HERC1: variants seen among roughly 807,000 people sequenced by gnomAD.
HERC1 encodes probable E3 ubiquitin-protein ligase HERC1.
HERC1 carries 160 observed loss-of-function variants against 554.3 expected under a neutral mutation model. The ratio of observed to expected loss-of-function variants is 0.29; its 90% confidence interval spans 0.25 to 0.33. The LOEUF is 0.33. HERC1 is among the 10% of genes least tolerant of loss of function. The pLI is 1.00. For missense variants in HERC1, 4,919 were observed against 5,918.5 expected (o/e 0.83, Z 5.54); for synonymous variants, 2,175 against 2,131.7 (o/e 1.02, Z -0.56).
Position 63,628,747 on chromosome 15 carries a change from A to T in HERC1, c.13035T>A (p.Val4345=). The change falls in exon 70 of 78, where the codon GTT becomes GTA. Residue 4345 remains valine, a synonymous_variant. Coordinates refer to ENST00000443617, the MANE Select transcript of HERC1 (RefSeq NM_003922.4). The part of the protein sequence containing the change: ...TLVTGLQGKN[V]RQISAGRCHS... ...GGCAGCGGCCAGCCGAGATCTGCCG[A>T]ACATTTTTCCCTTGCAGACCTGTTA... The T allele has an allele frequency of 1.2e-5, 20 of 1,614,046 alleles. No individual in the cohort carries two copies. The highest frequency in any genetic ancestry group is 1.7e-5 in the Non-Finnish European group (20 of 1,179,900).
chr15:63,665,935 C>T lies in HERC1; in HGVS notation c.8539G>A (p.Glu2847Lys). The T allele has an allele frequency of 6.2e-7, 1 of 1,612,652 alleles. No homozygotes were observed. The highest frequency in any genetic ancestry group is 8.5e-7 in the Non-Finnish European group (1 of 1,178,958). Residue 2847 changes from glutamate to lysine, a missense_variant, in exon 42 of 78, where the codon GAA (glutamate) becomes AAA (lysine). Physicochemically the swap from Glu to Lys is moderately conservative, Grantham distance 56. This residue lies in a region of HERC1 where 1,963 missense variants were observed against 2,228.6 expected (regional missense o/e 0.88). Transcript: ENST00000443617. ...GAATTTCACCTTTCACTAAAACCTTCCTCCATTTCAGCAGCATCAGCTGAT... is the reference window on the plus strand; with the variant it reads ...GAATTTCACCTTTCACTAAAACCTTTCTCCATTTCAGCAGCATCAGCTGAT... The part of the protein sequence containing the change: ...IPSADAAEME[E>K]GFSESPDNLD...
At chr15:63,714,729 A>T (rs566040538) in intron 22 of HERC1, among the ~76,000 whole-genome samples, 8 of 151,492 alleles carry the variant, frequency 5.3e-5, no homozygotes, top group Non-Finnish European at 1.2e-4. Context: ...TTGTATCTTT[A>T]GTAGAGATGG....
At chr15:63,665,197 T>C (rs1566988299) in intron 42 of HERC1, among the ~76,000 whole-genome samples, 2 of 152,160 alleles carry the variant, frequency 1.3e-5, no homozygotes, top group Non-Finnish European at 2.9e-5. Context: ...TTAAAAACTA[T>C]AGAAGAGATG....
chr15:63,783,519 G>A (rs1051864462), intron 1 of HERC1, among the ~76,000 whole-genome samples: 1 of 151,430 alleles, frequency 6.6e-6, no homozygotes. Context: ...TATATACACT[G>A]AGAAACCAAA....
intron 1 of HERC1, among the ~76,000 whole-genome samples, chr15:63,813,311 GAC>G (rs10534978): frequency 0.65 from 90,305 of 139,354 alleles, 29,382 homozygotes; most frequent in East Asian, 0.81. Context: ...ATCAGAGATG[GAC>G]ACACACACAC....
chr15:63,818,654 A>G (rs2077578644), intron 1 of HERC1, among the ~76,000 whole-genome samples: 2 of 152,218 alleles, frequency 1.3e-5, no homozygotes, highest in Admixed American at 6.5e-5. Flanking sequence ...AGAGTTTTGA[A>G]AAATCCTTCT....
chr15:63,678,261 C>G lies in HERC1; in HGVS notation c.6654G>C (p.Gln2218His), dbSNP rs1412443374. The change falls in exon 37 of 78, where the codon CAG becomes CAC. Residue 2218 changes from glutamine (Q) to histidine (H), a missense_variant. By Grantham distance (24) the Gln-to-His change is conservative (BLOSUM62 0). This residue lies in a region of HERC1 where 1,963 missense variants were observed against 2,228.6 expected (regional missense o/e 0.88). Transcript: ENST00000443617. The part of the protein sequence containing the change: ...VAAVLAEATI[Q>H]LIRILHRTDR... ...CTGTTCGGTGAAGGATACGGATGAG[C>G]TGAATAGTGGCCTCAGCCAGCACTG... is the stretch of plus-strand genomic sequence containing the variant. The G allele has an allele frequency of 1.2e-6, 2 of 1,613,716 alleles. No homozygotes were observed. Among genetic ancestry groups the G allele is most frequent in the Non-Finnish European group, 1.7e-6 (2 of 1,179,834 alleles).
chr15:63,697,665 G>C (rs973064890), intron 26 of HERC1, among the ~76,000 whole-genome samples: 4 of 152,058 alleles, frequency 2.6e-5, no homozygotes, highest in South Asian at 4.1e-4. Context: ...ACGCTGGTGA[G>C]GCTGGTTTCA....
At chr15:63,625,190 AGAC>A (rs746611339) in intron 71 of HERC1, among the ~76,000 whole-genome samples, 36 of 152,240 alleles carry the variant, frequency 2.4e-4, no homozygotes, top group Non-Finnish European at 3.8e-4. Flanking sequence ...CCATAAAGAT[AGAC>A]AAATCAGCAA....
At position 63,626,108 on chromosome 15, in the gene HERC1, G is replaced by A; in HGVS notation, c.13152C>T (p.Pro4384=). ...TGACTTCTCTCAGCGCCCCATACTGGGGGGGCACTGTGTCAGGCAGGCCCA... is the reference window on the plus strand; with the variant it reads ...TGACTTCTCTCAGCGCCCCATACTGAGGGGGCACTGTGTCAGGCAGGCCCA... ...LQLGLPDTVP[P]QYGALREVSI... The change falls in exon 71 of 78, where the codon CCC becomes CCT. Residue 4384 remains proline (P), a synonymous_variant. Coordinates refer to ENST00000443617, the MANE Select transcript of HERC1 (RefSeq NM_003922.4). 3 of 1,613,548 alleles carry A rather than the reference G, an allele frequency of 1.9e-6. No homozygotes were observed. Among genetic ancestry groups the A allele is most frequent in the East Asian group, 4.5e-5 (2 of 44,884 alleles).
Position 63,640,236 on chromosome 15 carries a change from G to A in HERC1, c.11817C>T (p.Ala3939=). The A allele has an allele frequency of 1.2e-6, 2 of 1,613,856 alleles. No individual in the cohort carries two copies. The highest frequency in any genetic ancestry group is 2.2e-5 in the South Asian group (2 of 91,078). ...CTGGAAACTGGGCTCCATTGGTCAG[G>A]GCTTCGGCAGCTTTTATAGTGGTTG... ...CFSTTIKAAE[A]LTNGAQFPES... is the part of the protein sequence containing the mutation. The change falls in exon 61 of 78, where the codon GCC becomes GCT. Residue 3939 remains alanine, a synonymous_variant. Coordinates refer to ENST00000443617, the MANE Select transcript of HERC1 (RefSeq NM_003922.4).
chr15:63,676,622 G>C (rs1276857516), intron 37 of HERC1, among the ~76,000 whole-genome samples: 1 of 152,120 alleles, frequency 6.6e-6, no homozygotes, highest in Admixed American at 6.5e-5. Context: ...CGGGCATGAT[G>C]GTGGGTGCCT....
chr15:63,632,882 A>G (rs932052161), intron 67 of HERC1, 71 bp from the exon 68 acceptor site: 106 of 1,035,490 alleles, frequency 1.0e-4, no homozygotes, highest in Non-Finnish European at 1.3e-4. Flanking sequence ...GCCTAATGGC[A>G]TGTATCAAGA....
At chr15:63,801,482 CTTG>C (rs940166283) in intron 1 of HERC1, among the ~76,000 whole-genome samples, 27 of 152,304 alleles carry the variant, frequency 1.8e-4, no homozygotes, top group African/African-American at 6.0e-4. Flanking sequence ...AACTCACACA[CTTG>C]TTGTCAGAAG....
intron 52 of HERC1, 142 bp from the exon 53 acceptor site, chr15:63,651,522 AACAGT>A: frequency 1.4e-6 from 1 of 723,880 alleles, no homozygotes; most frequent in Non-Finnish European, 2.3e-6. Context: ...AGCAGTATTT[AACAGT>A]TACACACTCA....
Position 63,680,483 on chromosome 15 carries a change from T to C in HERC1, c.6465+54A>G. On this transcript the variant is annotated intron_variant, in intron 35 of 77. Transcript: ENST00000443617. This position sits in a 1 kb window ranked among gnomAD's most constrained non-coding sequence, Gnocchi z 5.8. ...AATACGTGGCACTTGAATAACCGAG[T>C]TGACTATAAATAGAAACAAGAAAAA... 2 of 1,582,320 alleles carry C rather than the reference T, an allele frequency of 1.3e-6. No homozygotes were observed. The highest frequency in any genetic ancestry group is 2.3e-5 in the East Asian group (1 of 44,354).
At chr15:63,772,156 A>T (rs1186448595) in intron 2 of HERC1, among the ~76,000 whole-genome samples, 1 of 152,072 alleles carries the variant, frequency 6.6e-6, no homozygotes, top group East Asian at 1.9e-4. Context: ...AAATATTTAA[A>T]CTATCCAGTC....
chr15:63,679,839 T>A (rs538442368), intron 36 of HERC1, among the ~76,000 whole-genome samples: 1 of 152,364 alleles, frequency 6.6e-6, no homozygotes, highest in Non-Finnish European at 1.5e-5. Context: ...GTAGTTCTTG[T>A]GACTGCACGT....
rs541749557 is a variant in HERC1 at position 63,742,308 on chromosome 15, C to T, written c.2520+4610G>A. On this transcript the variant is annotated intron_variant, in intron 12 of 77. Transcript: ENST00000443617. ...ATTGTACATTGTTGGTGTATAGAAACAATTTTTGTACATTTATCTTTTACC... is the reference window on the plus strand; with the variant it reads ...ATTGTACATTGTTGGTGTATAGAAATAATTTTTGTACATTTATCTTTTACC... 1.1e-3 allele frequency among the ~76,000 whole-genome samples: 171 copies of T among 152,198 alleles called. 1 individual carries two copies. The highest frequency in any genetic ancestry group is 4.1e-3 in the African/African-American group (169 of 41,526).
Sources: allele counts gnomAD v4.1 joint callset (sites outside exome capture counted in the v4.1 genomes callset), GRCh38; gene constraint gnomAD v4.1.1; regional missense constraint gnomAD v4.1.1; non-coding constraint Gnocchi (gnomAD v3.1); transcripts MANE v1.5; gene names NCBI Gene and HGNC (gene_info 2026-07-23, HGNC 2026-07-21).